Variants in ETNK1 observed in about 807,000 individuals in gnomAD.
ETNK1 encodes the protein ethanolamine kinase 1.
In ETNK1, 8 loss-of-function variants were observed where a neutral mutation model predicts 45.1. The observed-to-expected ratio is 0.18, with a 90% confidence interval of 0.10 to 0.32. The LOEUF (loss-of-function observed/expected upper bound fraction) is 0.32. Among genes scored for constraint, ETNK1 ranks in the 10% least tolerant of loss-of-function variants. The probability of loss-of-function intolerance (pLI) is 1.00; values close to 1 mark genes in which losing one functional copy is unlikely to be tolerated. For synonymous variants in ETNK1, 152 were observed against 151.9 expected (o/e 1.00, Z -0.01); for missense variants, 302 against 430.6 (o/e 0.70, Z 2.64).
chr12:22,625,491 G>A lies in ETNK1; in HGVS notation c.61G>A (p.Val21Ile), dbSNP rs754321450. ...GGAGGTGCCCAAGCTGAACGTCACC[G>A]TTCAGGATCAGGAGGAGCATCGCTG... The part of the protein sequence containing the change: ...SPEVPKLNVT[V>I]QDQEEHRCRE... The change falls in exon 1 of 8, where the codon GTT becomes ATT. Residue 21 changes from valine (V) to isoleucine (I), a missense_variant. Val to Ile is a conservative substitution (Grantham distance 29, BLOSUM62 3). Transcript: ENST00000266517. The A allele has an allele frequency of 1.9e-6, 3 of 1,605,848 alleles. No homozygotes were observed. Among genetic ancestry groups the A allele is most frequent in the Non-Finnish European group, 8.5e-7 (1 of 1,176,818 alleles).
At position 22,625,268 on chromosome 12, in the gene ETNK1, C is replaced by G. The variant is rs769775775; in HGVS notation, c.-163C>G. On this transcript the variant is annotated 5_prime_UTR_variant, in exon 1 of 8. Transcript: ENST00000266517. ...TCCAGACCCGGATCGGCAACAGTGC[C>G]GCCTCCAGACGTTCTCCTGCCGCTC... The G allele has an allele frequency of 1.2e-6, 2 of 1,609,604 alleles. No homozygotes were observed. Among genetic ancestry groups the G allele is most frequent in the South Asian group, 2.2e-5 (2 of 90,748 alleles).
intron 6 of ETNK1, among the ~76,000 whole-genome samples, chr12:22,675,469 A>G (rs1185302109): frequency 2.0e-5 from 3 of 151,748 alleles, no homozygotes; most frequent in African/African-American, 7.3e-5. Flanking sequence ...GGTTCTCCCA[A>G]CTCAGCCTCC....
chr12:22,662,013 G>A (rs985726819), intron 4 of ETNK1, among the ~76,000 whole-genome samples: 2 of 149,240 alleles, frequency 1.3e-5, no homozygotes, highest in Admixed American at 1.3e-4. Context: ...CTTAAAAAAT[G>A]TTTTTGAAAC....
chr12:22,644,343 C>T lies in ETNK1; in HGVS notation c.416+321C>T, dbSNP rs371878779. The T allele has an allele frequency of 1.7e-4, 264 of 1,508,632 alleles. 3 individuals carry two copies. In the African/African-American group the frequency reaches 2.9e-3, roughly 17 times the overall value. The allele number at this position is 1,508,632 out of a possible 1,614,324, so 93.5% of individuals were successfully genotyped here. On this transcript the variant is annotated intron_variant, in intron 2 of 7. Coordinates refer to ENST00000266517, the MANE Select transcript of ETNK1 (RefSeq NM_018638.5). ...TGAAGTGTTATACATTTCTTACTGC[C>T]GATTGCTTATTACTTAATTGTTCAT...
In ETNK1 at chr12:22,688,212, TAGAC is replaced by T. The variant is rs1233860781; in HGVS notation, c.*3260_*3263del. On this transcript the variant is annotated 3_prime_UTR_variant, in exon 8 of 8. Transcript: ENST00000266517. ...ATCTAATTTCCATATATACAGAAAT[TAGAC>T]AAATAATAAGTCTTTAGTTCAACTT... 6.6e-6 allele frequency: 1 copy of T among 151,792 alleles called. No individual in the cohort carries two copies. The highest frequency in any genetic ancestry group is 2.4e-5 in the African/African-American group (1 of 41,410). 9.4% of individuals were successfully genotyped at this position (151,792 alleles called of 1,614,324 possible). A position where few individuals can be genotyped will look rare whatever the true frequency, so the allele number is the denominator to read the frequency against.
intron 1 of ETNK1, among the ~76,000 whole-genome samples, chr12:22,629,153 T>G (rs976968399): frequency 1.4e-4 from 21 of 152,158 alleles, no homozygotes; most frequent in African/African-American, 5.1e-4. Flanking sequence ...CTACTATATA[T>G]TGGATACTTG....
chr12:22,652,387 A>G lies in ETNK1; in HGVS notation c.417-6627A>G, dbSNP rs115198781. On this transcript the variant is annotated intron_variant, in intron 2 of 7. Transcript: ENST00000266517. ...GTGAATGCCCAGAAGTGGAATTGCT[A>G]GATCATAATGGTAATTCTGGTTTTA... Among the ~76,000 whole-genome samples the G allele has an allele frequency of 5.9e-3, 896 of 152,312 alleles. 7 individuals are homozygous for G. Among genetic ancestry groups the G allele is most frequent in the African/African-American group, 0.02 (849 of 41,580 alleles).
At chr12:22,652,529 T>C (rs1565441963) in intron 2 of ETNK1, among the ~76,000 whole-genome samples, 1 of 152,196 alleles carries the variant, frequency 6.6e-6, no homozygotes, top group African/African-American at 2.4e-5. Flanking sequence ...ATTTTATTTT[T>C]GTAGTAACCA....
At chr12:22,675,817 G>A (rs1383207879) in intron 6 of ETNK1, among the ~76,000 whole-genome samples, 1 of 151,794 alleles carries the variant, frequency 6.6e-6, no homozygotes, top group Admixed American at 6.6e-5. Flanking sequence ...AAAGATAAAG[G>A]ACAATTGATA....
chr12:22,638,598 T>G (rs1284531472), intron 1 of ETNK1: 1 of 152,156 alleles, frequency 6.6e-6, no homozygotes, highest in Non-Finnish European at 1.5e-5. Flanking sequence ...TGCTAGCAAG[T>G]GAATCTTACA....
At chr12:22,660,069 A>G (rs1391868299) in intron 3 of ETNK1, among the ~76,000 whole-genome samples, 1 of 150,714 alleles carries the variant, frequency 6.6e-6, no homozygotes, top group Non-Finnish European at 1.5e-5. Flanking sequence ...CGCAGTTTTG[A>G]CCAGTCATAC....
chr12:22,639,245 G>A (rs1218772913), intron 1 of ETNK1, among the ~76,000 whole-genome samples: 1 of 151,902 alleles, frequency 6.6e-6, no homozygotes, highest in Non-Finnish European at 1.5e-5. Flanking sequence ...GAGAAGTGGG[G>A]TTTTACCACG....
At position 22,625,564 on chromosome 12, in the gene ETNK1, A is replaced by AC. The variant is rs1160720733; in HGVS notation, c.139dup (p.Gln47ProfsTer15). On this transcript the variant is annotated frameshift_variant, in exon 1 of 8. Coordinates refer to ENST00000266517, the MANE Select transcript of ETNK1 (RefSeq NM_018638.5). LOFTEE classifies it high-confidence loss of function. ...CTGCAACACCTGCGGCCTCACTGGGACCCCCAGGAGGTGACCCTGCAGGTA... is the reference window on the plus strand; with the variant it reads ...CTGCAACACCTGCGGCCTCACTGGGACCCCCCAGGAGGTGACCCTGCAGGTA... 2 of 1,597,620 alleles carry AC rather than the reference A, an allele frequency of 1.3e-6. No homozygotes were observed. The highest frequency in any genetic ancestry group is 8.5e-7 in the Non-Finnish European group (1 of 1,172,864).
intron 1 of ETNK1, among the ~76,000 whole-genome samples, chr12:22,640,395 C>A (rs1365258385): frequency 4.1e-5 from 6 of 146,976 alleles, no homozygotes; most frequent in East Asian, 2.0e-4. Flanking sequence ...AAATTGAAAG[C>A]CTTTTTTTTT....
At chr12:22,637,350 A>G (rs1953669424) in intron 1 of ETNK1, among the ~76,000 whole-genome samples, 1 of 152,182 alleles carries the variant, frequency 6.6e-6, no homozygotes, top group African/African-American at 2.4e-5. Context: ...TTCAAGTAAA[A>G]GGGTAAAATC....
In ETNK1 at chr12:22,647,859, G is replaced by T. The variant is rs189418199; in HGVS notation, c.416+3837G>T. Among the ~76,000 whole-genome samples, 6 of 152,006 alleles carry T rather than the reference G, an allele frequency of 3.9e-5. No individual in the cohort carries two copies. In the East Asian group the frequency reaches 5.8e-4, roughly 15 times the overall value. ...GAAACATTTGGCTTTAACGAGTATG[G>T]AATTTTAAAGCAGCGTTTGACTTGA... is the stretch of plus-strand genomic sequence containing the variant. On this transcript the variant is annotated intron_variant, in intron 2 of 7. Coordinates refer to ENST00000266517, the MANE Select transcript of ETNK1 (RefSeq NM_018638.5).
At chr12:22,651,227 T>G (rs574807833) in intron 2 of ETNK1, among the ~76,000 whole-genome samples, 1 of 152,354 alleles carries the variant, frequency 6.6e-6, no homozygotes, top group East Asian at 1.9e-4. Context: ...TAGAAGCTGG[T>G]GGCCCCACTT....
intron 4 of ETNK1, among the ~76,000 whole-genome samples, chr12:22,670,238 A>C (rs1277333555): frequency 6.6e-6 from 1 of 152,184 alleles, no homozygotes; most frequent in Non-Finnish European, 1.5e-5. Flanking sequence ...ATTAAAAGAC[A>C]GTGTAACTAT....
chr12:22,648,575 A>C (rs1030407400), intron 2 of ETNK1, among the ~76,000 whole-genome samples: 3 of 151,952 alleles, frequency 2.0e-5, no homozygotes, highest in Admixed American at 1.3e-4. Flanking sequence ...GTTCTGAATA[A>C]TGTTTCATTG....
Sources: gnomAD v4.1 joint callset for allele counts (sites outside exome capture counted in the v4.1 genomes callset) on GRCh38, gnomAD v4.1.1 for gene constraint, MANE v1.5 for transcripts, NCBI Gene and HGNC (gene_info 2026-07-23, HGNC 2026-07-21) for gene names.